Variants in LYST observed in about 807,000 individuals in gnomAD.
LYST encodes lysosomal-trafficking regulator.
A neutral mutation model predicts 413.6 loss-of-function variants in LYST; 192 were observed. The ratio of observed to expected loss-of-function variants is 0.46; its 90% CI spans 0.41 to 0.52. The LOEUF is 0.52. Among genes scored for constraint, LYST ranks in the 20% least tolerant of loss-of-function variants. The pLI, the probability that LYST is intolerant of heterozygous loss-of-function variation, is 0.00. For synonymous variants in LYST, 1,525 were observed against 1,567.3 expected (o/e 0.97, Z 0.64); for missense variants, 3,815 against 4,499.9 (o/e 0.85, Z 4.35).
At position 235,702,886 on chromosome 1, in the gene LYST, C is replaced by T. The variant is rs148409403; in HGVS notation, c.10235G>A (p.Arg3412His). ...TMIKTYGQTP[R>H]QLFHMAHVSR... ...CACATGGGCCATGTGGAACAGCTGA[C>T]GGGGAGTCTGCCCGTAGGTTTTTAT... Residue 3412 changes from arginine to histidine, a missense_variant, in exon 45 of 53, where the codon CGT (arginine) becomes CAT (histidine). Around this residue, in one of 4 missense-constraint regions of LYST, gnomAD observed 866 missense variants for 1,156.0 expected, o/e 0.75. Transcript: ENST00000389793. 9.0e-4 allele frequency: 1,460 copies of T among 1,614,148 alleles called. 2 individuals are homozygous for T. The highest frequency in any genetic ancestry group is 1.1e-3 in the Non-Finnish European group (1,277 of 1,180,010).
Position 235,809,313 on chromosome 1 carries a change from CT to C in LYST, c.1504del (p.Arg502AspfsTer65). 6.2e-7 allele frequency: 1 copy of C among 1,614,084 alleles called. No homozygotes were observed. Reference sequence around the variant, plus strand: ...CATAAAATGAGAATATTCACATCGTCTGTGCCTTTTTCTTGTACACATCGAA... The same window carrying C: ...CATAAAATGAGAATATTCACATCGTCGTGCCTTTTTCTTGTACACATCGAA... ...HHSMCTRKRH[R>X]RCEYSHFMHH... On this transcript the variant is annotated frameshift_variant, in exon 5 of 53. Transcript: ENST00000389793. LOFTEE classifies it high-confidence loss of function. This position sits in a 1 kb window ranked among gnomAD's most constrained non-coding sequence, Gnocchi z 4.0.
chr1:235,803,258 C>G (rs544381160), intron 7 of LYST, among the ~76,000 whole-genome samples, 194 bp from the exon 8 acceptor site: 116 of 151,878 alleles, frequency 7.6e-4, no homozygotes, highest in Non-Finnish European at 1.2e-3. Context: ...AACTTAATAC[C>G]TCAAAAAGGG....
rs112302922 is a variant in LYST at position 235,674,402 on chromosome 1, TA to T, written c.11038+2688del. Among the ~76,000 whole-genome samples, 506 of 126,866 alleles carry T rather than the reference TA, an allele frequency of 4.0e-3. No homozygotes were observed. Among genetic ancestry groups the T allele is most frequent in the South Asian group, 8.1e-3 (32 of 3,954 alleles). 83.2% of individuals were successfully genotyped at this position (126,866 alleles called of 152,430 possible). A position where few individuals can be genotyped will look rare whatever the true frequency, so the allele number is the denominator to read the frequency against. On this transcript the variant is annotated intron_variant, in intron 50 of 52. Transcript: ENST00000389793. This position sits in a 1 kb window ranked among gnomAD's most constrained non-coding sequence, Gnocchi z 4.1. ...ATCAACCAAATAGAAAGAACAATCG[TA>T]AAAAAAAAAAAAAAAGTGTCCCCCT...
chr1:235,870,090 C>G (rs1680863012), upstream of LYST, among the ~76,000 whole-genome samples: 1 of 152,128 alleles, frequency 6.6e-6, no homozygotes, highest in Non-Finnish European at 1.5e-5. Flanking sequence ...ATGAATGGAC[C>G]TCATCTCACA....
At chr1:235,876,607 A>AT (rs1210052156) in intron 1 of LYST, among the ~76,000 whole-genome samples, 2 of 152,212 alleles carry the variant, frequency 1.3e-5, no homozygotes, top group African/African-American at 4.8e-5. Context: ...TTAAATTCTG[A>AT]TTTTTTGTTC....
chr1:235,759,655 C>T (rs972372747), intron 22 of LYST, 56 bp from the exon 23 acceptor site: 15 of 1,301,656 alleles, frequency 1.2e-5, no homozygotes, highest in Admixed American at 1.7e-5. Flanking sequence ...GGAACCACCT[C>T]TCTTTTGCAT....
At chr1:235,859,302 G>A (rs1679587862) in intron 1 of LYST, among the ~76,000 whole-genome samples, 1 of 151,912 alleles carries the variant, frequency 6.6e-6, no homozygotes. Context: ...CCTCTTCAAT[G>A]GTCCCTTTCC....
At chr1:235,669,914 G>C (rs1485673791) in intron 50 of LYST, among the ~76,000 whole-genome samples, 1 of 152,140 alleles carries the variant, frequency 6.6e-6, no homozygotes, top group Admixed American at 6.5e-5. Flanking sequence ...GAGCAGAGTG[G>C]GGGGTGGGGA....
chr1:235,751,176 T>C (rs1371404866), intron 28 of LYST, 34 bp downstream of exon 28: 4 of 1,600,250 alleles, frequency 2.5e-6, no homozygotes, highest in Non-Finnish European at 3.4e-6. Flanking sequence ...CTAGCCTCAA[T>C]TTATGGTTAT....
Position 235,804,669 on chromosome 1 carries a change from A to G in LYST, c.3394-4T>C. The G allele has an allele frequency of 1.3e-6, 2 of 1,568,744 alleles. No homozygotes were observed. The highest frequency in any genetic ancestry group is 8.8e-7 in the Non-Finnish European group (1 of 1,141,280). On this transcript the variant is annotated splice_polypyrimidine_tract_variant and splice_region_variant and intron_variant, in intron 6 of 52. Transcript: ENST00000389793. ...ATATACTTTCCACAGACAAGTTCTA[A>G]GGTAAAATAAAAGAGACTAAGAATA...
intron 16 of LYST, among the ~76,000 whole-genome samples, chr1:235,780,498 A>G (rs972934730): frequency 2.0e-5 from 3 of 152,132 alleles, no homozygotes; most frequent in Non-Finnish European, 4.4e-5. Flanking sequence ...TTATTTATTT[A>G]TAAGTATGGA....
chr1:235,782,180 C>CT (rs552690643), intron 14 of LYST, 93 bp from the exon 15 acceptor site: 45,848 of 811,572 alleles, frequency 0.056, 3 homozygotes, highest in Non-Finnish European at 0.064. Flanking sequence ...ATGGGGAATT[C>CT]TTTTTTTTTT....
At chr1:235,787,154 A>G in intron 14 of LYST, 46 bp downstream of exon 14, 1 of 1,430,182 alleles carries the variant, frequency 7.0e-7, no homozygotes, top group South Asian at 1.1e-5. Flanking sequence ...ATGAAACATA[A>G]CATTGTAACT....
chr1:235,776,354 G>A (rs1558228002), intron 17 of LYST, among the ~76,000 whole-genome samples: 1 of 152,266 alleles, frequency 6.6e-6, no homozygotes, highest in East Asian at 1.9e-4. Flanking sequence ...ATTAAAGAAA[G>A]TTAGATAGGG....
rs1468055437 is a variant in LYST, at chr1:235,791,954, G to A, written c.4288C>T (p.Arg1430Ter). The change falls in exon 12 of 53, where the codon CGA (arginine) becomes TGA (stop). Residue 1430 changes from arginine to a stop codon, truncating the protein, a stop_gained. Coordinates refer to ENST00000389793, the MANE Select transcript of LYST (RefSeq NM_000081.4). LOFTEE classifies it high-confidence loss of function. ...SKAMGLLRRARVSRSKKEADR... is the reference protein window; with the variant it reads ...SKAMGLLRRA ...GCCTCTTTCTTGCTCCGTGAAACTC[G>A]TGCTCTTCTCAATAAACCCATGGCC... 1.2e-6 allele frequency: 2 copies of A among 1,614,080 alleles called. No homozygotes were observed. The highest frequency in any genetic ancestry group is 1.7e-6 in the Non-Finnish European group (2 of 1,179,992).
rs1284239517 is a variant in LYST at position 235,800,307 on chromosome 1, A to G, written c.4006+13T>C. 4.0e-6 allele frequency: 6 copies of G among 1,517,994 alleles called. No individual in the cohort carries two copies. The African/African-American group carries it at 5.5e-5, about 14-fold the overall frequency. The allele number at this position is 1,517,994 out of a possible 1,614,324, so 94.0% of individuals were successfully genotyped here. ...TAATTTCAGAGCTATTGTTTAAAAC[A>G]GTTTCAACTTACCTTGAAAATCAGA... On this transcript the variant is annotated intron_variant, in intron 10 of 52. Transcript: ENST00000389793.
In LYST at chr1:235,697,279, TGAA is replaced by T; in HGVS notation, c.10375-10_10375-8del. 3 of 1,609,270 alleles carry T rather than the reference TGAA, an allele frequency of 1.9e-6. No individual in the cohort carries two copies. In the East Asian group the frequency reaches 6.7e-5, roughly 36 times the overall value. On this transcript the variant is annotated splice_region_variant and splice_polypyrimidine_tract_variant and intron_variant, in intron 45 of 52. Transcript: ENST00000389793. Reference sequence around the variant, plus strand: ...TTATCCATGACAAAGGACTCTAAAATGAAGAAAAATAAAAAGTATGGCTTTTTA... The same window carrying T: ...TTATCCATGACAAAGGACTCTAAAATGAAAAATAAAAAGTATGGCTTTTTA...
intron 47 of LYST, 125 bp downstream of exon 47, chr1:235,693,222 CAGG>C (rs1660815488): frequency 3.4e-6 from 2 of 595,226 alleles, no homozygotes; most frequent in Admixed American, 6.0e-5. Flanking sequence ...GAGGCTGAGG[CAGG>C]AGAATGGCGT....
intron 7 of LYST, among the ~76,000 whole-genome samples, chr1:235,803,499 G>C (rs1443979371): frequency 6.6e-6 from 1 of 152,010 alleles, no homozygotes; most frequent in Non-Finnish European, 1.5e-5. Context: ...GAGCAGACAA[G>C]ACATTTTTTT....
Sources: gnomAD v4.1 joint callset for allele counts (sites outside exome capture counted in the v4.1 genomes callset) on GRCh38, gnomAD v4.1.1 for gene constraint, gnomAD v4.1.1 regional missense constraint, Gnocchi (gnomAD v3.1) non-coding constraint, MANE v1.5 for transcripts, NCBI Gene and HGNC (gene_info 2026-07-23, HGNC 2026-07-21) for gene names.